The following NAALADL2 variants were observed in gnomAD, a reference collection of about 807,000 sequenced individuals.
NAALADL2 encodes inactive N-acetylated-alpha-linked acidic dipeptidase-like protein 2.
Under a neutral mutation model 87.2 loss-of-function variants are expected in NAALADL2, and 76 were observed. The observed-to-expected ratio is 0.87, with a 90% CI of 0.72 to 1.05. NAALADL2 has a LOEUF of 1.05. Ranked by LOEUF, NAALADL2 falls within the 50% of genes least tolerant of loss-of-function variation. The pLI is 0.00. For missense variants in NAALADL2, 1,089 were observed against 945.8 expected (o/e 1.15, Z -1.99); for synonymous variants, 354 against 331.0 (o/e 1.07, Z -0.75).
At chr3:174,707,136 C>G (rs1730153418) in intron 2 of NAALADL2, among the ~76,000 whole-genome samples, 1 of 152,140 alleles carries the variant, frequency 6.6e-6, no homozygotes, top group Non-Finnish European at 1.5e-5. Flanking sequence ...ATTAAAAAGT[C>G]AGGAAACAAC....
chr3:175,487,143 TA>T (rs1460294356), intron 9 of NAALADL2, among the ~76,000 whole-genome samples: 3 of 152,190 alleles, frequency 2.0e-5, no homozygotes, highest in Non-Finnish European at 4.4e-5. Context: ...TGACTGACCC[TA>T]TCTACTACTC....
chr3:175,118,240 C>T (rs1266570852), intron 2 of NAALADL2, among the ~76,000 whole-genome samples: 1 of 151,756 alleles, frequency 6.6e-6, no homozygotes, highest in Non-Finnish European at 1.5e-5. Flanking sequence ...CACATGTACC[C>T]TAGAACTTAA....
chr3:175,657,418 CTTA>C (rs1731621677), intron 11 of NAALADL2, among the ~76,000 whole-genome samples: 1 of 151,794 alleles, frequency 6.6e-6, no homozygotes. Flanking sequence ...TTTTTTATTG[CTTA>C]TTATCATATT....
chr3:175,297,216 T>C (rs1224533060), intron 4 of NAALADL2, among the ~76,000 whole-genome samples: 3 of 152,180 alleles, frequency 2.0e-5, no homozygotes, highest in Non-Finnish European at 4.4e-5. Flanking sequence ...GTTTGCCAAC[T>C]CCTGCTCCTA....
intron 2 of NAALADL2, among the ~76,000 whole-genome samples, chr3:174,649,778 T>C (rs905978086): frequency 6.6e-6 from 1 of 152,126 alleles, no homozygotes; most frequent in African/African-American, 2.4e-5. Context: ...GTGGCAGAAT[T>C]AATTCATGTG....
chr3:174,985,583 C>T (rs1745742026), intron 1 of NAALADL2, among the ~76,000 whole-genome samples: 1 of 151,932 alleles, frequency 6.6e-6, no homozygotes, highest in African/African-American at 2.4e-5. Flanking sequence ...TTAGTGCTGC[C>T]ATAATAAAAG....
intron 4 of NAALADL2, among the ~76,000 whole-genome samples, chr3:175,309,683 A>T (rs1322649435): frequency 6.6e-6 from 1 of 152,064 alleles, no homozygotes; most frequent in Non-Finnish European, 1.5e-5. Flanking sequence ...TAAATTCTCA[A>T]TCTGGTTTCC....
At chr3:174,699,426 G>A (rs13322780) in intron 2 of NAALADL2, among the ~76,000 whole-genome samples, 33,702 of 151,218 alleles carry the variant, frequency 0.22, 5,569 homozygotes, top group East Asian at 0.49. Flanking sequence ...CCTGGGAGGC[G>A]GAGGTTGCAG....
chr3:175,022,967 G>T (rs1751750902), intron 1 of NAALADL2, among the ~76,000 whole-genome samples: 1 of 152,020 alleles, frequency 6.6e-6, no homozygotes, highest in Non-Finnish European at 1.5e-5. Flanking sequence ...TTTTAATTAC[G>T]TCCAGTTTCC....
chr3:175,431,152 A>G (rs533942850), intron 5 of NAALADL2, among the ~76,000 whole-genome samples: 2 of 152,152 alleles, frequency 1.3e-5, no homozygotes, highest in Admixed American at 6.6e-5. Context: ...CAAATGTGTC[A>G]CTTCTTTTGT....
intron 9 of NAALADL2, among the ~76,000 whole-genome samples, chr3:175,556,819 T>TA (rs2149503077): frequency 1.3e-5 from 2 of 152,272 alleles, no homozygotes; most frequent in South Asian, 4.1e-4. Flanking sequence ...TATTTATTGG[T>TA]GTTAACATTA....
chr3:174,453,895 A>C (rs896512089), intron 1 of NAALADL2, among the ~76,000 whole-genome samples: 1 of 152,198 alleles, frequency 6.6e-6, no homozygotes, highest in Non-Finnish European at 1.5e-5. Flanking sequence ...GACAGTATCA[A>C]ATTTCCTCAT....
intron 1 of NAALADL2, among the ~76,000 whole-genome samples, chr3:174,444,930 T>G (rs908012771): frequency 6.6e-6 from 1 of 152,144 alleles, no homozygotes; most frequent in African/African-American, 2.4e-5. Context: ...TGGTAGAATT[T>G]TGACAACATT....
intron 13 of NAALADL2, among the ~76,000 whole-genome samples, chr3:175,787,606 C>T (rs1490296242): frequency 6.6e-6 from 1 of 152,166 alleles, no homozygotes; most frequent in Non-Finnish European, 1.5e-5. Flanking sequence ...CCTGCGCCCA[C>T]TGTCTGGCGC....
At chr3:174,972,721 G>A (rs1043540600) in intron 1 of NAALADL2, among the ~76,000 whole-genome samples, 3 of 151,820 alleles carry the variant, frequency 2.0e-5, no homozygotes, top group African/African-American at 7.3e-5. Flanking sequence ...TTAGGCCTGG[G>A]GCAGTGTCTC....
intron 1 of NAALADL2, among the ~76,000 whole-genome samples, chr3:174,874,348 G>A (rs752666636): frequency 2.5e-4 from 38 of 152,168 alleles, no homozygotes; most frequent in Admixed American, 1.3e-3. Flanking sequence ...CTCCCCTACT[G>A]ATACTTAATG....
chr3:175,096,860 T>C lies in NAALADL2; in HGVS notation c.114T>C (p.Asn38=), dbSNP rs1377333038. 4.3e-6 allele frequency: 7 copies of C among 1,612,348 alleles called. No individual in the cohort carries two copies. The highest frequency in any genetic ancestry group is 3.3e-5 in the South Asian group (3 of 90,834). The change falls in exon 2 of 14, where the codon AAT becomes AAC. Residue 38 remains asparagine (N), a synonymous_variant. Transcript: ENST00000454872. The part of the protein sequence containing the change: ...RAPGHSQYLD[N]DDLQATALDL... Reference sequence around the variant, plus strand: ...CAGGACACTCACAGTACTTAGACAATGATGACCTTCAAGCCACTGCCCTTG... The same window carrying C: ...CAGGACACTCACAGTACTTAGACAACGATGACCTTCAAGCCACTGCCCTTG...
chr3:174,695,321 T>C (rs984546589), intron 2 of NAALADL2, among the ~76,000 whole-genome samples: 2 of 152,010 alleles, frequency 1.3e-5, no homozygotes, highest in Non-Finnish European at 2.9e-5. Flanking sequence ...GAACCACCAA[T>C]GGCAGATGAA....
chr3:175,576,235 C>A, intron 10 of NAALADL2, 48 bp downstream of exon 10: 1 of 1,515,540 alleles, frequency 6.6e-7, no homozygotes, highest in Non-Finnish European at 8.9e-7. Flanking sequence ...ATATAGTAGA[C>A]CTGCAGAATT....
Sources: gnomAD v4.1 joint callset for allele counts (sites outside exome capture counted in the v4.1 genomes callset) on GRCh38, gnomAD v4.1.1 for gene constraint, MANE v1.5 for transcripts, NCBI Gene and HGNC (gene_info 2026-07-23, HGNC 2026-07-21) for gene names.